Variants in DENND2C observed in about 807,000 individuals in gnomAD.
The protein encoded by DENND2C is DENN domain-containing protein 2C.
Under a neutral mutation model 112.4 loss-of-function variants are expected in DENND2C, and 72 were observed. The ratio of observed to expected loss-of-function variants is 0.64; its 90% CI spans 0.53 to 0.78. The LOEUF is 0.78. DENND2C is among the 30% of genes least tolerant of loss of function. The pLI, the probability that DENND2C is intolerant of heterozygous loss-of-function variation, is 0.00. For synonymous variants in DENND2C, 329 were observed against 381.6 expected (o/e 0.86, Z 1.61); for missense variants, 992 against 1,113.8 (o/e 0.89, Z 1.56).
At chr1:114,663,251 T>C (rs887551435) in intron 1 of DENND2C, among the ~76,000 whole-genome samples, 29 of 152,340 alleles carry the variant, frequency 1.9e-4, no homozygotes, top group African/African-American at 6.7e-4. Context: ...CCTTCAAATT[T>C]ATCTTTTATT....
intron 18 of DENND2C, among the ~76,000 whole-genome samples, chr1:114,589,779 AT>A (rs1655136381): frequency 6.6e-6 from 1 of 152,158 alleles, no homozygotes; most frequent in African/African-American, 2.4e-5. Context: ...TACTTTACAT[AT>A]TCTTTGATAT....
intron 13 of DENND2C, 81 bp from the exon 14 acceptor site, chr1:114,601,041 G>A: frequency 7.0e-7 from 1 of 1,428,690 alleles, no homozygotes; most frequent in East Asian, 2.4e-5. Flanking sequence ...GCCAAACCTG[G>A]TGTACAAACT....
intron 8 of DENND2C, among the ~76,000 whole-genome samples, chr1:114,613,592 C>G (rs1196382749): frequency 6.6e-6 from 1 of 151,998 alleles, no homozygotes; most frequent in South Asian, 2.1e-4. Context: ...CTGGTCCTAT[C>G]TATAGTCTTA....
At chr1:114,665,959 T>C (rs1055981531) in intron 1 of DENND2C, among the ~76,000 whole-genome samples, 5 of 152,124 alleles carry the variant, frequency 3.3e-5, no homozygotes, top group Admixed American at 6.6e-5. Context: ...CTCTAGATCC[T>C]CTCTCGACAT....
At chr1:114,593,581 T>C (rs1001425691) in intron 18 of DENND2C, among the ~76,000 whole-genome samples, 9 of 152,042 alleles carry the variant, frequency 5.9e-5, no homozygotes, top group Non-Finnish European at 1.3e-4. Context: ...GACCAGGAGT[T>C]TGAAATCAAC....
chr1:114,643,738 C>A (rs2101683158), intron 3 of DENND2C, among the ~76,000 whole-genome samples: 1 of 152,244 alleles, frequency 6.6e-6, no homozygotes, highest in South Asian at 2.1e-4. Flanking sequence ...ATGTAAGAAT[C>A]TTTAAAAAAT....
At chr1:114,606,459 C>G (rs936458633) in intron 10 of DENND2C, among the ~76,000 whole-genome samples, 7 of 151,986 alleles carry the variant, frequency 4.6e-5, no homozygotes, top group Admixed American at 2.0e-4. Flanking sequence ...GGTTATAAAC[C>G]CAACAGTCCT....
At chr1:114,595,703 C>A in intron 17 of DENND2C, 129 bp downstream of exon 17, 1 of 812,514 alleles carries the variant, frequency 1.2e-6, no homozygotes. Flanking sequence ...GGTGTCAATT[C>A]AAGTATGTGT....
rs778698096 is a variant in DENND2C, at chr1:114,625,878, G to C, written c.107C>G (p.Ser36Cys). 3.1e-6 allele frequency: 5 copies of C among 1,613,912 alleles called. No individual in the cohort carries two copies. In the African/African-American group the frequency reaches 5.3e-5, roughly 17 times the overall value. The change falls in exon 4 of 21, where the codon TCT (serine) becomes TGT (cysteine). Residue 36 changes from serine to cysteine, a missense_variant. Ser to Cys is a moderately radical substitution (Grantham distance 112). Transcript: ENST00000393274. The stretch of plus-strand genomic sequence containing the variant: ...CTTTGGACACCACTTTTCTGGATTA[G>C]ATATACCATTAGCCCTTCCTTCCCA... ...SQWEGRANGI[S>C]NPEKWCPKDF...
intron 2 of DENND2C, among the ~76,000 whole-genome samples, chr1:114,647,867 G>A (rs1156809013): frequency 1.3e-5 from 2 of 151,810 alleles, no homozygotes; most frequent in African/African-American, 2.4e-5. Context: ...GAATGCAATG[G>A]CGCCATCTTG....
chr1:114,591,251 A>C (rs1466113138), intron 18 of DENND2C, among the ~76,000 whole-genome samples: 1 of 152,190 alleles, frequency 6.6e-6, no homozygotes, highest in African/African-American at 2.4e-5. Flanking sequence ...TACAGGTATG[A>C]ACCACAGTGC....
intron 8 of DENND2C, among the ~76,000 whole-genome samples, chr1:114,612,682 G>A (rs1476852289): frequency 1.3e-5 from 2 of 152,092 alleles, no homozygotes; most frequent in Admixed American, 6.5e-5. Flanking sequence ...GCCACACTGG[G>A]CTAATTTTTA....
chr1:114,621,841 A>G, intron 7 of DENND2C, 54 bp downstream of exon 7: 1 of 1,544,280 alleles, frequency 6.5e-7, no homozygotes, highest in Non-Finnish European at 8.8e-7. Context: ...ACTTATTCTC[A>G]TTCATGGAAA....
At chr1:114,662,906 A>T (rs371784826) in intron 1 of DENND2C, among the ~76,000 whole-genome samples, 66 of 152,244 alleles carry the variant, frequency 4.3e-4, no homozygotes, top group African/African-American at 1.3e-3. Context: ...GCTGCAGTGA[A>T]CTATGATTGT....
rs185652868 is a variant in DENND2C at position 114,669,000 on chromosome 1, G to T, written c.-574+983C>A. ...TAGATAACACCACTGTGCTATTCTA[G>T]AAAATTTCATCAATCATTTAAAAAT... On this transcript the variant is annotated intron_variant, in intron 1 of 20. Transcript: ENST00000393274. Among the ~76,000 whole-genome samples the T allele has an allele frequency of 4.3e-4, 66 of 152,306 alleles. 2 individuals are homozygous for T. The highest frequency in any genetic ancestry group is 4.1e-3 in the Admixed American group (63 of 15,302).
At chr1:114,639,795 G>A (rs776496750) in intron 3 of DENND2C, among the ~76,000 whole-genome samples, 13 of 149,924 alleles carry the variant, frequency 8.7e-5, no homozygotes, top group Admixed American at 6.7e-5. Flanking sequence ...CTGCAACTTC[G>A]GCCTCCTGGT....
In DENND2C at chr1:114,601,558, C is replaced by T. The variant is rs142134642; in HGVS notation, c.1765G>A (p.Glu589Lys). Reference protein sequence around the residue: ...LPVGKGKRLPEVYCMVSRLGC... With the variant: ...LPVGKGKRLPKVYCMVSRLGC... ...AGGCGACTAACCATGCAGTATACCT[C>T]AGGGAGTCGCTTTCCTTTGCCTACT... The change falls in exon 13 of 21, where the codon GAG (glutamate) becomes AAG (lysine). Residue 589 changes from glutamate to lysine, a missense_variant. By Grantham distance (56) the Glu-to-Lys change is moderately conservative. Coordinates refer to ENST00000393274, the MANE Select transcript of DENND2C (RefSeq NM_001256404.2). 9.9e-6 allele frequency: 16 copies of T among 1,613,400 alleles called. No homozygotes were observed. The highest frequency in any genetic ancestry group is 6.7e-5 in the African/African-American group (5 of 74,886).
chr1:114,614,250 TGAA>T (rs907730623), intron 8 of DENND2C, among the ~76,000 whole-genome samples: 1 of 146,342 alleles, frequency 6.8e-6, no homozygotes, highest in Non-Finnish European at 1.5e-5. Context: ...AAAAAAAAAC[TGAA>T]GAAATATTTA....
intron 11 of DENND2C, among the ~76,000 whole-genome samples, chr1:114,603,514 T>TCCTC (rs1655577255): frequency 6.6e-6 from 1 of 151,576 alleles, no homozygotes; most frequent in African/African-American, 2.4e-5. Context: ...CTACCTTCTT[T>TCCTC]CCTCCCTCCC....
Sources: allele counts gnomAD v4.1 joint callset (sites outside exome capture counted in the v4.1 genomes callset), GRCh38; gene constraint gnomAD v4.1.1; transcripts MANE v1.5; gene names NCBI Gene and HGNC (gene_info 2026-07-23, HGNC 2026-07-21).